RBFOX1: variants seen among roughly 807,000 people sequenced by gnomAD.
RBFOX1 encodes the protein RNA binding protein fox-1 homolog 1.
In RBFOX1, 8 loss-of-function variants were observed where a neutral mutation model predicts 57.7. That is an observed-to-expected ratio of 0.14 (90% confidence interval 0.08 to 0.25). The LOEUF (loss-of-function observed/expected upper bound fraction) is 0.25, where lower values mean the gene tolerates loss of function less well. Among genes scored for constraint, RBFOX1 ranks in the 10% least tolerant of loss-of-function variants. The pLI, the probability that RBFOX1 is intolerant of heterozygous loss-of-function variation, is 1.00. For synonymous variants in RBFOX1, 326 were observed against 222.4 expected (o/e 1.47, Z -4.15); for missense variants, 611 against 548.5 (o/e 1.11, Z -1.14).
chr16:7,611,829 A>C (rs952838261), intron 10 of RBFOX1, among the ~76,000 whole-genome samples: 47 of 152,156 alleles, frequency 3.1e-4, no homozygotes, highest in African/African-American at 1.1e-3. Flanking sequence ...ATTCTCATCA[A>C]GTCATACTTA....
chr16:7,144,447 G>T (rs773695668), intron 4 of RBFOX1, among the ~76,000 whole-genome samples: 6 of 64,964 alleles, frequency 9.2e-5, no homozygotes, highest in Non-Finnish European at 1.9e-4. Flanking sequence ...TTGAGTCAGG[G>T]CCCCTCTGTT....
chr16:6,256,858 G>A (rs962450935), intron 1 of RBFOX1, among the ~76,000 whole-genome samples: 1 of 152,084 alleles, frequency 6.6e-6, no homozygotes, highest in African/African-American at 2.4e-5. Flanking sequence ...CAGTATGTGG[G>A]ATGGATAGAA....
At chr16:6,710,908 G>T (rs953007776) in intron 3 of RBFOX1, among the ~76,000 whole-genome samples, 5 of 152,316 alleles carry the variant, frequency 3.3e-5, no homozygotes, top group Admixed American at 2.6e-4. Flanking sequence ...ACTCCTTCTA[G>T]AAGACAGGGA....
intron 2 of RBFOX1, among the ~76,000 whole-genome samples, chr16:6,351,372 A>ATATATAT (rs1199701253): frequency 4.6e-5 from 4 of 86,432 alleles, no homozygotes; most frequent in Non-Finnish European, 6.6e-5. Context: ...ATATATATAT[A>ATATATAT]TTTTTTTTTT....
At chr16:5,464,173 G>A (rs1048575895) in intron 1 of RBFOX1, among the ~76,000 whole-genome samples, 1 of 152,208 alleles carries the variant, frequency 6.6e-6, no homozygotes, top group Non-Finnish European at 1.5e-5. Flanking sequence ...GGGCTGTGTG[G>A]AGTTGATAAT....
intron 2 of RBFOX1, among the ~76,000 whole-genome samples, chr16:6,381,584 A>G (rs981378337): frequency 6.6e-6 from 1 of 152,212 alleles, no homozygotes; most frequent in Non-Finnish European, 1.5e-5. Flanking sequence ...TTCTTTTCCA[A>G]GGTCTTGCCT....
chr16:7,067,893 C>T (rs1312843159), intron 4 of RBFOX1, among the ~76,000 whole-genome samples: 1 of 151,442 alleles, frequency 6.6e-6, no homozygotes. Flanking sequence ...GCATAGTATT[C>T]CATGGTGTAT....
At chr16:7,126,350 G>T in intron 4 of RBFOX1, 2 of 263,262 alleles carry the variant, frequency 7.6e-6, no homozygotes, top group Admixed American at 8.1e-5. Context: ...ATCGAGGTGG[G>T]GGTTTTTGGT....
rs185922602 is a variant in RBFOX1, at chr16:6,466,143, C to T, written c.-64+149086C>T. Among the ~76,000 whole-genome samples, 374 of 151,332 alleles carry T rather than the reference C, an allele frequency of 2.5e-3. 1 individual carries two copies. The highest frequency in any genetic ancestry group is 8.4e-3 in the African/African-American group (348 of 41,198). ...ACTTGGGAGGCTGAGGCAGAAGAAT[C>T]GCTTGAACCCGGGAGGCAGAGGTTG... On this transcript the variant is annotated intron_variant, in intron 2 of 15. Coordinates refer to ENST00000550418, the MANE Select transcript of RBFOX1 (RefSeq NM_018723.4).
intron 1 of RBFOX1, among the ~76,000 whole-genome samples, chr16:5,261,826 A>T (rs1314023489): frequency 6.6e-6 from 1 of 152,204 alleles, no homozygotes; most frequent in African/African-American, 2.4e-5. Flanking sequence ...CTGGGATTAC[A>T]GGTGTGAGCC....
intron 2 of RBFOX1, among the ~76,000 whole-genome samples, chr16:6,608,259 C>A (rs1336850735): frequency 6.6e-6 from 1 of 152,076 alleles, no homozygotes; most frequent in Non-Finnish European, 1.5e-5. Context: ...TTAATAGATA[C>A]CTGAATTAAG....
At chr16:5,847,108 C>T (rs925458715) in intron 3 of RBFOX1, among the ~76,000 whole-genome samples, 3 of 152,078 alleles carry the variant, frequency 2.0e-5, no homozygotes. Flanking sequence ...TGTGCAAGGG[C>T]CAGGCTGTTC....
At chr16:6,086,009 T>G (rs1343234874) in intron 1 of RBFOX1, among the ~76,000 whole-genome samples, 1 of 152,132 alleles carries the variant, frequency 6.6e-6, no homozygotes, top group African/African-American at 2.4e-5. Flanking sequence ...CTGTGTGATG[T>G]TCCCCTCCCT....
chr16:5,749,686 G>T (rs9929228), intron 3 of RBFOX1, among the ~76,000 whole-genome samples: 20 of 152,114 alleles, frequency 1.3e-4, no homozygotes, highest in African/African-American at 4.6e-4. Context: ...CATTCGTCAC[G>T]TAGTTCTTGT....
At chr16:7,049,293 G>A (rs2049116452) in intron 3 of RBFOX1, among the ~76,000 whole-genome samples, 1 of 152,102 alleles carries the variant, frequency 6.6e-6, no homozygotes, top group African/African-American at 2.4e-5. Flanking sequence ...ATAAAGAAAA[G>A]CAATGGGAGG....
intron 1 of RBFOX1, among the ~76,000 whole-genome samples, chr16:6,102,772 T>C (rs924663704): frequency 1.2e-4 from 19 of 152,240 alleles, no homozygotes; most frequent in African/African-American, 4.6e-4. Context: ...AAACTGTGTC[T>C]CGTGATTTTC....
At chr16:7,493,318 G>A (rs1349340697) in intron 4 of RBFOX1, among the ~76,000 whole-genome samples, 1 of 152,156 alleles carries the variant, frequency 6.6e-6, no homozygotes, top group East Asian at 1.9e-4. Context: ...GTACAGATAT[G>A]GAATATTTCT....
intron 1 of RBFOX1, among the ~76,000 whole-genome samples, chr16:5,380,782 C>T (rs969390851): frequency 6.6e-6 from 1 of 152,204 alleles, no homozygotes. Flanking sequence ...AAACCTTCAG[C>T]GCCTCTGTGA....
At chr16:6,408,104 C>G (rs2093347583) in intron 2 of RBFOX1, among the ~76,000 whole-genome samples, 3 of 152,136 alleles carry the variant, frequency 2.0e-5, no homozygotes, top group Admixed American at 6.5e-5. Flanking sequence ...CACTGGACGT[C>G]AAATCTGTCG....
Sources: allele counts gnomAD v4.1 joint callset (sites outside exome capture counted in the v4.1 genomes callset), GRCh38; gene constraint gnomAD v4.1.1; transcripts MANE v1.5; gene names NCBI Gene and HGNC (gene_info 2026-07-23, HGNC 2026-07-21).